The following NUBP1 variants were observed in gnomAD, a reference collection of about 807,000 sequenced individuals.
NUBP1 encodes the protein cytosolic Fe-S cluster assembly factor NUBP1.
NUBP1 carries 46 observed loss-of-function variants against 41.8 expected under a neutral mutation model. The ratio of observed to expected loss-of-function variants is 1.10; its 90% CI spans 0.87 to 1.41. NUBP1 has a LOEUF of 1.41. Among genes scored for constraint, NUBP1 ranks in the 40% most tolerant of loss-of-function variants. The probability of loss-of-function intolerance (pLI) is 0.00; values close to 1 mark genes in which losing one functional copy is unlikely to be tolerated. For missense variants in NUBP1, 494 were observed against 414.0 expected, an observed-to-expected ratio of 1.19 and a Z score of -1.68; for synonymous variants, 189 against 154.6, an observed-to-expected ratio of 1.22 and a Z score of -1.65.
In NUBP1 at chr16:10,766,660, G is replaced by A. The variant is rs1049824313; in HGVS notation, c.821-1289G>A. On this transcript the variant is annotated intron_variant, in intron 9 of 10. Transcript: ENST00000283027. The surrounding 1 kb of genome is among the most constrained non-coding windows in gnomAD (Gnocchi z 4.8). ...TCTTGGTGTCTGGAACAAAAAATTGGACAAAACGCACAAAGAAAGGAAGGA... is the reference window on the plus strand; with the variant it reads ...TCTTGGTGTCTGGAACAAAAAATTGAACAAAACGCACAAAGAAAGGAAGGA... 5 of 288,754 alleles carry A rather than the reference G, an allele frequency of 1.7e-5. No individual in the cohort carries two copies. Among genetic ancestry groups the A allele is most frequent in the Non-Finnish European group, 3.2e-5 (5 of 157,436 alleles). The allele number at this position is 288,754 out of a possible 1,614,324, so 17.9% of individuals were successfully genotyped here.
At position 10,749,032 on chromosome 16, in the gene NUBP1, G is replaced by T. The variant is rs535083541; in HGVS notation, c.258+1756G>T. Among the ~76,000 whole-genome samples, 62 of 151,664 alleles carry T rather than the reference G, an allele frequency of 4.1e-4. No individual in the cohort carries two copies. Among genetic ancestry groups the T allele is most frequent in the African/African-American group, 1.3e-3 (54 of 41,328 alleles). ...TTTGAACCCAGGAGGCGGAGGTCGCGGTGGGCCAAGATTGCCCTACTGCAC... is the reference window on the plus strand; with the variant it reads ...TTTGAACCCAGGAGGCGGAGGTCGCTGTGGGCCAAGATTGCCCTACTGCAC... On this transcript the variant is annotated intron_variant, in intron 3 of 10. Coordinates refer to ENST00000283027, the MANE Select transcript of NUBP1 (RefSeq NM_002484.4). This position sits in a 1 kb window ranked among gnomAD's most constrained non-coding sequence, Gnocchi z 4.1.
At position 10,749,215 on chromosome 16, in the gene NUBP1, G is replaced by A. The variant is rs1476220439; in HGVS notation, c.258+1939G>A. On this transcript the variant is annotated intron_variant, in intron 3 of 10. Coordinates refer to ENST00000283027, the MANE Select transcript of NUBP1 (RefSeq NM_002484.4). This position sits in a 1 kb window ranked among gnomAD's most constrained non-coding sequence, Gnocchi z 4.1. ...AGTCAGCGATCTCTTGCCATTTGAG[G>A]GTCAAATCTGTACTGGCCTAGTGGG... Among the ~76,000 whole-genome samples, 1 of 150,686 alleles carries A rather than the reference G, an allele frequency of 6.6e-6. No homozygotes were observed. Among genetic ancestry groups the A allele is most frequent in the Non-Finnish European group, 1.5e-5 (1 of 67,914 alleles).
At chr16:10,746,197 G>A (rs1900054577) in intron 2 of NUBP1, among the ~76,000 whole-genome samples, 1 of 152,178 alleles carries the variant, frequency 6.6e-6, no homozygotes, top group African/African-American at 2.4e-5. Context: ...ACTTGAGTTT[G>A]GCCAGTCATG....
In NUBP1 at chr16:10,767,294, G is replaced by C. The variant is rs2031028792; in HGVS notation, c.821-655G>C. The C allele has an allele frequency of 2.5e-6, 1 of 399,238 alleles. No individual in the cohort carries two copies. The highest frequency in any genetic ancestry group is 4.4e-6 in the Non-Finnish European group (1 of 226,668). 24.7% of individuals were successfully genotyped at this position (399,238 alleles called of 1,614,324 possible). On this transcript the variant is annotated intron_variant, in intron 9 of 10. Transcript: ENST00000283027. This position sits in a 1 kb window ranked among gnomAD's most constrained non-coding sequence, Gnocchi z 4.6. ...CTGGCTCTGGGATAACATGGTCCTA[G>C]AGAAACCTGGGTGTGCATAGGAGGG...
intron 4 of NUBP1, among the ~76,000 whole-genome samples, chr16:10,754,523 G>A (rs562435307): frequency 2.6e-5 from 4 of 152,162 alleles, no homozygotes; most frequent in South Asian, 2.1e-4. Flanking sequence ...GATTACAGGT[G>A]TGAGCCACTG....
chr16:10,763,735 G>A (rs2030377980), intron 9 of NUBP1: 1 of 154,882 alleles, frequency 6.5e-6, no homozygotes, highest in African/African-American at 2.4e-5. Flanking sequence ...GATGGGATTG[G>A]TGGGCAGGAC....
At chr16:10,748,132 G>T (rs915040281) in intron 3 of NUBP1, among the ~76,000 whole-genome samples, 2 of 152,022 alleles carry the variant, frequency 1.3e-5, no homozygotes, top group African/African-American at 4.8e-5. Context: ...TGGGTTTTTT[G>T]TAGAGATGAG....
chr16:10,758,058 A>C (rs1417723096), intron 7 of NUBP1, 31 bp downstream of exon 7: 1 of 1,607,610 alleles, frequency 6.2e-7, no homozygotes. Context: ...AGCTGGGTCC[A>C]AACTGTGCTC....
At position 10,768,965 on chromosome 16, in the gene NUBP1, C is replaced by G; in HGVS notation, c.905-82C>G. ...CCAGAGGATTCCACCCCTGTCAAAACACAGCCCTCCCCAGCACAGGACAGG... is the reference window on the plus strand; with the variant it reads ...CCAGAGGATTCCACCCCTGTCAAAAGACAGCCCTCCCCAGCACAGGACAGG... On this transcript the variant is annotated intron_variant, in intron 10 of 10. Coordinates refer to ENST00000283027, the MANE Select transcript of NUBP1 (RefSeq NM_002484.4). The surrounding 1 kb of genome is among the most constrained non-coding windows in gnomAD (Gnocchi z 4.3). The G allele has an allele frequency of 7.8e-7, 1 of 1,278,972 alleles. No homozygotes were observed. Among genetic ancestry groups the G allele is most frequent in the Non-Finnish European group, 1.1e-6 (1 of 883,872 alleles). The allele number at this position is 1,278,972 out of a possible 1,614,324, so 79.2% of individuals were successfully genotyped here.
At chr16:10,761,514 T>C (rs770018086) in intron 8 of NUBP1, 40 bp downstream of exon 8, 2 of 1,527,640 alleles carry the variant, frequency 1.3e-6, no homozygotes, top group Non-Finnish European at 9.1e-7. Flanking sequence ...AAGATCTTGC[T>C]CTCATGGATG....
intron 9 of NUBP1, among the ~76,000 whole-genome samples, chr16:10,762,765 G>C (rs558724573): frequency 1.3e-5 from 2 of 152,262 alleles, no homozygotes; most frequent in South Asian, 4.1e-4. Flanking sequence ...GGAGAGAGGG[G>C]CCGGGCGGGT....
chr16:10,769,060 T>A lies in NUBP1; in HGVS notation c.918T>A (p.Phe306Leu). Residue 306 changes from phenylalanine (F) to leucine (L), a missense_variant, in exon 11 of 11, where the codon TTT becomes TTA. Phe to Leu is a conservative substitution (Grantham distance 22). Transcript: ENST00000283027. ...YRSIIQRIQEFCNLHQSKEEN... is the reference protein window; with the variant it reads ...YRSIIQRIQELCNLHQSKEEN... ...CTTGTTTTCCAGGAATCCAAGAGTT[T>A]TGTAATCTCCATCAGTCAAAAGAAG... 6.2e-7 allele frequency: 1 copy of A among 1,614,018 alleles called. No individual in the cohort carries two copies.
intron 2 of NUBP1, among the ~76,000 whole-genome samples, chr16:10,744,275 C>G (rs2541466): frequency 3.9e-5 from 6 of 152,004 alleles, no homozygotes; most frequent in African/African-American, 1.5e-4. Flanking sequence ...GGAACGAGGC[C>G]TTTAGAAGGC....
Position 10,756,800 on chromosome 16 carries a change from T to G in NUBP1, c.451+20T>G. On this transcript the variant is annotated intron_variant, in intron 6 of 10. Transcript: ENST00000283027. ...AAAACGGTTTGCCACTCTGCCTTTTTTTGTCTCTCACATTCTTCCACGAGC... is the reference window on the plus strand; with the variant it reads ...AAAACGGTTTGCCACTCTGCCTTTTGTTGTCTCTCACATTCTTCCACGAGC... 1 of 1,586,312 alleles carries G rather than the reference T, an allele frequency of 6.3e-7. No individual in the cohort carries two copies. The highest frequency in any genetic ancestry group is 8.6e-7 in the Non-Finnish European group (1 of 1,166,754).
chr16:10,766,910 C>CT lies in NUBP1; in HGVS notation c.821-1037dup, dbSNP rs1369385175. The CT allele has an allele frequency of 2.5e-6, 1 of 398,608 alleles. No individual in the cohort carries two copies. The highest frequency in any genetic ancestry group is 4.4e-5 in the Admixed American group (1 of 22,730). 24.7% of individuals were successfully genotyped at this position (398,608 alleles called of 1,614,324 possible). On this transcript the variant is annotated intron_variant, in intron 9 of 10. Transcript: ENST00000283027. This position sits in a 1 kb window ranked among gnomAD's most constrained non-coding sequence, Gnocchi z 4.8. ...TGTTATGGCTCAAGTGCGAATTGGCCTTATGTTCCCTGCCTCTGGACCCTA... is the reference window on the plus strand; with the variant it reads ...TGTTATGGCTCAAGTGCGAATTGGCCTTTATGTTCCCTGCCTCTGGACCCTA...
At chr16:10,756,349 G>T (rs1900553144) in intron 5 of NUBP1, among the ~76,000 whole-genome samples, 1 of 152,014 alleles carries the variant, frequency 6.6e-6, no homozygotes, top group Admixed American at 6.6e-5. Context: ...ATGCACTCCA[G>T]CCTGGGCAAC....
Position 10,767,688 on chromosome 16 carries a change from G to T in NUBP1, c.821-261G>T. 1 of 519,922 alleles carries T rather than the reference G, an allele frequency of 1.9e-6. No homozygotes were observed. Among genetic ancestry groups the T allele is most frequent in the Non-Finnish European group, 3.4e-6 (1 of 293,018 alleles). 32.2% of individuals were successfully genotyped at this position (519,922 alleles called of 1,614,324 possible). On this transcript the variant is annotated intron_variant, in intron 9 of 10. Transcript: ENST00000283027. This position sits in a 1 kb window ranked among gnomAD's most constrained non-coding sequence, Gnocchi z 4.6. ...CTCCTGGGCCCATGTGGAAGCTGCT[G>T]AATCAGTTCTCTGTAGGGCCCTGGA... is the stretch of plus-strand genomic sequence containing the variant.
At chr16:10,754,692 T>G (rs777713195) in intron 4 of NUBP1, among the ~76,000 whole-genome samples, 6 of 151,890 alleles carry the variant, frequency 4.0e-5, no homozygotes, top group Non-Finnish European at 7.4e-5. Flanking sequence ...AGACAGACTG[T>G]GGGGGGTGGT....
At chr16:10,761,918 T>C in intron 9 of NUBP1, 59 bp downstream of exon 9, 1 of 1,381,878 alleles carries the variant, frequency 7.2e-7, no homozygotes, top group Non-Finnish European at 1.0e-6. Context: ...CAGGCACGGG[T>C]CGGGCACAAC....
Sources: allele counts gnomAD v4.1 joint callset (sites outside exome capture counted in the v4.1 genomes callset), GRCh38; gene constraint gnomAD v4.1.1; non-coding constraint Gnocchi (gnomAD v3.1); transcripts MANE v1.5; gene names NCBI Gene and HGNC (gene_info 2026-07-23, HGNC 2026-07-21).